TASOR: variants seen among roughly 807,000 people sequenced by gnomAD.
TASOR encodes the protein protein TASOR.
In TASOR, 53 loss-of-function variants were observed where a neutral mutation model predicts 178.6. That is an observed-to-expected ratio of 0.30 (90% CI 0.24 to 0.37). The LOEUF (loss-of-function observed/expected upper bound fraction) is 0.37, where lower values mean the gene tolerates loss of function less well. TASOR is among the 10% of genes least tolerant of loss of function. The pLI is 1.00. For missense variants in TASOR, 1,815 were observed against 1,971.4 expected, an observed-to-expected ratio of 0.92 and a Z score of 1.50; for synonymous variants, 713 against 696.2, an observed-to-expected ratio of 1.02 and a Z score of -0.38.
chr3:56,646,990 C>T lies in TASOR; in HGVS notation c.1747G>A (p.Asp583Asn). 3 of 1,604,630 alleles carry T rather than the reference C, an allele frequency of 1.9e-6. No homozygotes were observed. Among genetic ancestry groups the T allele is most frequent in the Non-Finnish European group, 2.5e-6 (3 of 1,177,806 alleles). The stretch of plus-strand genomic sequence containing the variant: ...GCTGAGTATAAGAATTTTTTATCAT[C>T]TAATCGTGAATCATATGGAAACATA... Reference protein sequence around the residue: ...FIMFPYDSRLDDKKFLYSAPR... With the variant: ...FIMFPYDSRLNDKKFLYSAPR... The change falls in exon 14 of 24, where the codon GAT (aspartate) becomes AAT (asparagine). Residue 583 changes from aspartate (D) to asparagine (N), a missense_variant. This residue lies in a region of TASOR where 504 missense variants were observed against 645.3 expected (regional missense o/e 0.78). Transcript: ENST00000683822.
intron 11 of TASOR, among the ~76,000 whole-genome samples, chr3:56,653,108 C>T (rs187165757): frequency 2.9e-4 from 44 of 151,486 alleles, no homozygotes; most frequent in Admixed American, 7.2e-4. Flanking sequence ...ACTAAATACA[C>T]GAAAATTAGC....
At chr3:56,637,574 G>T (rs2077042667) in intron 17 of TASOR, among the ~76,000 whole-genome samples, 1 of 132,270 alleles carries the variant, frequency 7.6e-6, no homozygotes. Context: ...TATATCTGTT[G>T]TTCATGGTTT....
chr3:56,652,602 G>T (rs1048071938), intron 11 of TASOR, among the ~76,000 whole-genome samples: 1 of 151,486 alleles, frequency 6.6e-6, no homozygotes, highest in Admixed American at 6.6e-5. Flanking sequence ...TATGTTATGT[G>T]AATTTTATTT....
intron 11 of TASOR, among the ~76,000 whole-genome samples, chr3:56,656,877 G>T (rs560591160): frequency 6.6e-6 from 1 of 151,150 alleles, no homozygotes; most frequent in Admixed American, 6.6e-5. Flanking sequence ...AGGCATGGTG[G>T]AGCATGCCTG....
chr3:56,682,598 G>C, intron 1 of TASOR, 78 bp downstream of exon 1: 1 of 1,312,860 alleles, frequency 7.6e-7, no homozygotes, highest in Non-Finnish European at 1.0e-6. Flanking sequence ...GATGGGTGTG[G>C]GAAGAGGAGA....
At chr3:56,637,654 T>C (rs2077044400) in intron 17 of TASOR, among the ~76,000 whole-genome samples, 1 of 151,984 alleles carries the variant, frequency 6.6e-6, no homozygotes, top group East Asian at 1.9e-4. Flanking sequence ...CTAGTAACTT[T>C]AATTAGCGGG....
intron 7 of TASOR, chr3:56,663,804 A>C (rs1275752957): frequency 9.9e-7 from 1 of 1,011,254 alleles, no homozygotes; most frequent in East Asian, 1.0e-4. Flanking sequence ...AATTTAAGGG[A>C]GTTGTTTTTT....
At chr3:56,661,250 G>A (rs1406849370) in intron 9 of TASOR, among the ~76,000 whole-genome samples, 1 of 152,152 alleles carries the variant, frequency 6.6e-6, no homozygotes, top group Non-Finnish European at 1.5e-5. Context: ...AGGATCAAGT[G>A]ATTCTCCCAC....
At position 56,673,698 on chromosome 3, in the gene TASOR, G is replaced by C; in HGVS notation, c.359C>G (p.Ser120Cys). ...ATTTACAACATCTTCAAATTCTCGA[G>C]AGCCTGGAGTTAATGGCTGGAAAAG... ...KALFQPLTPG[S>C]REFEDVVNIL... The change falls in exon 2 of 24, where the codon TCT (serine) becomes TGT (cysteine). Residue 120 changes from serine to cysteine, a missense_variant. Coordinates refer to ENST00000683822, the MANE Select transcript of TASOR (RefSeq NM_001365635.2). The C allele has an allele frequency of 6.5e-7, 1 of 1,548,924 alleles. No homozygotes were observed. Among genetic ancestry groups the C allele is most frequent in the Non-Finnish European group, 8.7e-7 (1 of 1,146,304 alleles).
At chr3:56,628,860 A>C (rs905426198) in intron 18 of TASOR, 7 of 261,130 alleles carry the variant, frequency 2.7e-5, no homozygotes, top group African/African-American at 1.6e-4. Flanking sequence ...TCCCAGGCTC[A>C]AGCCACCCTC....
At chr3:56,639,334 T>C (rs954852790) in intron 16 of TASOR, among the ~76,000 whole-genome samples, 2 of 151,968 alleles carry the variant, frequency 1.3e-5, no homozygotes, top group Non-Finnish European at 2.9e-5. Context: ...GAAAAGTGAG[T>C]AACAACTTGG....
intron 20 of TASOR, among the ~76,000 whole-genome samples, chr3:56,627,378 C>T (rs1010573978): frequency 6.6e-6 from 1 of 152,106 alleles, no homozygotes; most frequent in African/African-American, 2.4e-5. Flanking sequence ...GATTCAACTG[C>T]AGCAGGGGCA....
At chr3:56,672,181 A>G (rs1440651586) in intron 2 of TASOR, among the ~76,000 whole-genome samples, 1 of 152,298 alleles carries the variant, frequency 6.6e-6, no homozygotes, top group East Asian at 1.9e-4. Context: ...TTTTCTAACT[A>G]GTTGGAACTA....
intron 8 of TASOR, among the ~76,000 whole-genome samples, chr3:56,662,949 C>T (rs968181091): frequency 1.3e-5 from 2 of 152,032 alleles, no homozygotes; most frequent in African/African-American, 2.4e-5. Flanking sequence ...GAGGCCGAGG[C>T]GGGTGGATCA....
chr3:56,631,450 T>C (rs2076909055), intron 18 of TASOR, among the ~76,000 whole-genome samples: 1 of 152,222 alleles, frequency 6.6e-6, no homozygotes, highest in Non-Finnish European at 1.5e-5. Flanking sequence ...TTATGATTAA[T>C]TTTACTATTA....
intron 14 of TASOR, among the ~76,000 whole-genome samples, chr3:56,645,874 C>T (rs2077226293): frequency 6.6e-6 from 1 of 152,190 alleles, no homozygotes; most frequent in Non-Finnish European, 1.5e-5. Context: ...TATGGCCAGG[C>T]GTGGTGGCTC....
chr3:56,666,462 G>A, intron 6 of TASOR, 78 bp from the exon 7 acceptor site: 1 of 1,192,246 alleles, frequency 8.4e-7, no homozygotes, highest in East Asian at 2.8e-5. Flanking sequence ...TGATTTCTGA[G>A]AAATAGAAAA....
At chr3:56,671,492 A>T in intron 3 of TASOR, 108 bp downstream of exon 3, 1 of 721,486 alleles carries the variant, frequency 1.4e-6, no homozygotes, top group Non-Finnish European at 2.2e-6. Context: ...TTCCACTTAT[A>T]TATCAAAAAA....
chr3:56,645,892 T>G (rs928234351), intron 14 of TASOR, among the ~76,000 whole-genome samples: 1 of 152,204 alleles, frequency 6.6e-6, no homozygotes. Context: ...CTCACGCCTG[T>G]AATCCCAGCA....
Sources: gnomAD v4.1 joint callset for allele counts (sites outside exome capture counted in the v4.1 genomes callset) on GRCh38, gnomAD v4.1.1 for gene constraint, gnomAD v4.1.1 regional missense constraint, MANE v1.5 for transcripts, NCBI Gene and HGNC (gene_info 2026-07-23, HGNC 2026-07-21) for gene names.